MSRB3: variants seen among roughly 807,000 people sequenced by gnomAD.
MSRB3 encodes the protein methionine sulfoxide reductase B3, also known as methionine-R-sulfoxide reductase B3.
Under a neutral mutation model 21.0 loss-of-function variants are expected in MSRB3, and 13 were observed. That is an observed-to-expected ratio of 0.62 (90% CI 0.40 to 0.98). MSRB3 has a LOEUF of 0.98. Ranked by LOEUF, MSRB3 falls within the 50% of genes least tolerant of loss-of-function variation. The probability of loss-of-function intolerance (pLI) is 0.00; values close to 1 mark genes in which losing one functional copy is unlikely to be tolerated. For missense variants in MSRB3, 199 were observed against 230.3 expected, an observed-to-expected ratio of 0.86 and a Z score of 0.88; for synonymous variants, 87 against 88.6, an observed-to-expected ratio of 0.98 and a Z score of 0.10.
At chr12:65,357,627 T>C (rs550437971) in intron 4 of MSRB3, among the ~76,000 whole-genome samples, 2 of 152,122 alleles carry the variant, frequency 1.3e-5, no homozygotes, top group African/African-American at 2.4e-5. Flanking sequence ...CATTTAGTCC[T>C]TCTGTCTCCT....
intron 5 of MSRB3, among the ~76,000 whole-genome samples, chr12:65,405,221 G>A (rs1433413783): frequency 1.3e-5 from 2 of 151,926 alleles, no homozygotes; most frequent in Non-Finnish European, 2.9e-5. Context: ...CAAAGTACAG[G>A]GATTACAGGC....
chr12:65,362,753 G>A (rs1300509720), intron 4 of MSRB3, among the ~76,000 whole-genome samples: 1 of 152,140 alleles, frequency 6.6e-6, no homozygotes. Context: ...AGGCAAAGGG[G>A]TTAAGGTATA....
At chr12:65,436,756 C>T (rs1031922773) in intron 5 of MSRB3, among the ~76,000 whole-genome samples, 1 of 151,828 alleles carries the variant, frequency 6.6e-6, no homozygotes, top group South Asian at 2.1e-4. Context: ...TATTTCTGTT[C>T]ATCACTAGTT....
At chr12:65,378,727 A>T (rs914879505) in intron 5 of MSRB3, among the ~76,000 whole-genome samples, 1 of 152,166 alleles carries the variant, frequency 6.6e-6, no homozygotes, top group Non-Finnish European at 1.5e-5. Flanking sequence ...TCTCTCAGGG[A>T]TGGGCTCACA....
chr12:65,282,286 CA>C (rs1305959128), intron 1 of MSRB3, among the ~76,000 whole-genome samples: 12 of 150,872 alleles, frequency 8.0e-5, no homozygotes, highest in Admixed American at 6.6e-4. Flanking sequence ...CACTGCACTC[CA>C]GCCTGGGCGA....
At chr12:65,377,447 C>T (rs549796869) in intron 5 of MSRB3, among the ~76,000 whole-genome samples, 129 of 152,076 alleles carry the variant, frequency 8.5e-4, no homozygotes, top group Admixed American at 2.3e-3. Context: ...CCCCGCCCTT[C>T]TGCAACCATG....
intron 1 of MSRB3, among the ~76,000 whole-genome samples, chr12:65,287,533 G>T (rs1194939445): frequency 6.6e-6 from 1 of 152,168 alleles, no homozygotes; most frequent in Non-Finnish European, 1.5e-5. Context: ...TTTTATCTTA[G>T]ATTAGTGGTG....
At chr12:65,400,380 T>G (rs946436091) in intron 5 of MSRB3, among the ~76,000 whole-genome samples, 3 of 152,180 alleles carry the variant, frequency 2.0e-5, no homozygotes, top group African/African-American at 7.2e-5. Flanking sequence ...CTTCTAGATT[T>G]TCTAGCTTAT....
intron 5 of MSRB3, among the ~76,000 whole-genome samples, chr12:65,444,034 G>C (rs1299092630): frequency 2.6e-5 from 4 of 152,194 alleles, no homozygotes; most frequent in African/African-American, 9.6e-5. Context: ...ATTTCCATGA[G>C]CTTGGTGTTG....
intron 4 of MSRB3, among the ~76,000 whole-genome samples, chr12:65,337,134 T>C (rs930162418): frequency 2.0e-5 from 3 of 151,942 alleles, no homozygotes; most frequent in African/African-American, 7.3e-5. Flanking sequence ...TCCCAGCTAC[T>C]CGGGAGGCTG....
intron 4 of MSRB3, among the ~76,000 whole-genome samples, chr12:65,362,818 C>G (rs1877789502): frequency 6.6e-6 from 1 of 152,048 alleles, no homozygotes; most frequent in African/African-American, 2.4e-5. Context: ...ATATTGTGTT[C>G]ATGTAAATTG....
At chr12:65,320,889 GTC>G (rs1191497288) in intron 2 of MSRB3, among the ~76,000 whole-genome samples, 1 of 152,138 alleles carries the variant, frequency 6.6e-6, no homozygotes, top group African/African-American at 2.4e-5. Flanking sequence ...GAGGTTACCT[GTC>G]TCTGTCTCTG....
chr12:65,353,464 C>A (rs1246129663), intron 4 of MSRB3, among the ~76,000 whole-genome samples: 1 of 152,138 alleles, frequency 6.6e-6, no homozygotes, highest in Admixed American at 6.6e-5. Context: ...GAATTGATCC[C>A]TTTACCATTA....
At chr12:65,403,750 A>C (rs1373337733) in intron 5 of MSRB3, among the ~76,000 whole-genome samples, 1 of 152,138 alleles carries the variant, frequency 6.6e-6, no homozygotes, top group Non-Finnish European at 1.5e-5. Flanking sequence ...ACCTGAGGGA[A>C]TCTCCTGGTC....
chr12:65,399,001 T>C (rs1376824035), intron 5 of MSRB3, among the ~76,000 whole-genome samples: 5 of 152,184 alleles, frequency 3.3e-5, no homozygotes, highest in Non-Finnish European at 7.3e-5. Context: ...GCTGTTTTGG[T>C]TACTGTAGCC....
intron 5 of MSRB3, among the ~76,000 whole-genome samples, chr12:65,382,938 G>A (rs1879020253): frequency 6.6e-6 from 1 of 151,546 alleles, no homozygotes; most frequent in Admixed American, 6.6e-5. Flanking sequence ...TTTAAAATCA[G>A]GTTAAATTTA....
chr12:65,334,134 C>A (rs139831658), intron 4 of MSRB3, among the ~76,000 whole-genome samples: 51 of 152,304 alleles, frequency 3.3e-4, no homozygotes, highest in African/African-American at 1.1e-3. Flanking sequence ...CCACATAGGA[C>A]ATTTTAATAT....
At chr12:65,460,690 C>G (rs968375506) in intron 6 of MSRB3, among the ~76,000 whole-genome samples, 4 of 151,536 alleles carry the variant, frequency 2.6e-5, no homozygotes, top group Admixed American at 6.6e-5. Context: ...TATTTGTTAG[C>G]AAATAGTTTT....
chr12:65,423,701 T>C (rs1256841501), intron 5 of MSRB3, among the ~76,000 whole-genome samples: 1 of 152,230 alleles, frequency 6.6e-6, no homozygotes, highest in Non-Finnish European at 1.5e-5. Flanking sequence ...TTGGTCATGA[T>C]GAATCATTCT....
Sources: allele counts gnomAD v4.1 joint callset (sites outside exome capture counted in the v4.1 genomes callset), GRCh38; gene constraint gnomAD v4.1.1; transcripts MANE v1.5; gene names NCBI Gene and HGNC (gene_info 2026-07-23, HGNC 2026-07-21).